NRG3: variants seen among roughly 807,000 people sequenced by gnomAD.
The protein encoded by NRG3 is pro-neuregulin-3, membrane-bound isoform.
Under a neutral mutation model 66.9 loss-of-function variants are expected in NRG3, and 31 were observed. The ratio of observed to expected loss-of-function variants is 0.46; its 90% CI spans 0.35 to 0.63. The LOEUF (loss-of-function observed/expected upper bound fraction) is 0.63, where lower values mean the gene tolerates loss of function less well. Among genes scored for constraint, NRG3 ranks in the 20% least tolerant of loss-of-function variants. The pLI, the probability that NRG3 is intolerant of heterozygous loss-of-function variation, is 0.00. For synonymous variants in NRG3, 393 were observed against 359.4 expected (o/e 1.09, Z -1.06); for missense variants, 910 against 878.9 (o/e 1.04, Z -0.45).
chr10:82,290,109 T>TG, intron 1 of NRG3, among the ~76,000 whole-genome samples: 1 of 152,202 alleles, frequency 6.6e-6, no homozygotes, highest in East Asian at 1.9e-4. Context: ...CAGTGACACC[T>TG]GCATTCCTGC....
intron 2 of NRG3, among the ~76,000 whole-genome samples, chr10:82,677,854 G>A (rs1424921202): frequency 6.6e-6 from 1 of 152,096 alleles, no homozygotes; most frequent in East Asian, 1.9e-4. Context: ...GTTTGTCTTG[G>A]GTTTTGTATG....
chr10:82,009,479 A>G (rs918200142), intron 1 of NRG3, among the ~76,000 whole-genome samples: 1 of 152,164 alleles, frequency 6.6e-6, no homozygotes, highest in Non-Finnish European at 1.5e-5. Context: ...GGACTCTGGA[A>G]AGCACTGAGG....
chr10:81,893,043 A>AT (rs543785868), intron 1 of NRG3, among the ~76,000 whole-genome samples: 4 of 152,122 alleles, frequency 2.6e-5, no homozygotes, highest in Admixed American at 6.6e-5. Flanking sequence ...CTAGTTTATC[A>AT]TTTTTTTCCA....
chr10:81,904,029 G>T (rs891259547), intron 1 of NRG3, among the ~76,000 whole-genome samples: 5 of 149,750 alleles, frequency 3.3e-5, no homozygotes, highest in African/African-American at 1.2e-4. Flanking sequence ...TTGTTTTGGA[G>T]ACGAAGTTTC....
chr10:82,724,064 GA>G (rs1362768679), intron 2 of NRG3, among the ~76,000 whole-genome samples: 6 of 143,536 alleles, frequency 4.2e-5, no homozygotes, highest in South Asian at 2.2e-4. Flanking sequence ...CTTAGCTTCA[GA>G]AAAAAAAAGA....
At position 82,896,222 on chromosome 10, in the gene NRG3, C is replaced by T. The variant is rs12411345; in HGVS notation, c.1054+30785C>T. ...GTTGTTTGACCAGGCATCTTCCTGA[C>T]ATCCTACCAGTTAATGCTCACAACC... On this transcript the variant is annotated intron_variant, in intron 4 of 8. Transcript: ENST00000372141. Among the ~76,000 whole-genome samples, 563 of 152,302 alleles carry T rather than the reference C, an allele frequency of 3.7e-3. 10 individuals are homozygous for T. Among genetic ancestry groups the T allele is most frequent in the Admixed American group, 0.03 (456 of 15,292 alleles).
In NRG3 at chr10:82,978,959, C is replaced by T. The variant is rs749479119; in HGVS notation, c.1422C>T (p.Ser474=). The change falls in exon 8 of 9, where the codon TCC becomes TCT. Residue 474 remains serine (S), a synonymous_variant. Coordinates refer to ENST00000372141, the MANE Select transcript of NRG3 (RefSeq NM_001010848.4). ...SQSVKHHRSL[S]SCCSPGQRSG... is the part of the protein sequence containing the mutation. ...CATTCCACCCCAGCAGGAGTCTATCCTCTTGCTGCAGCCCAGGGCAAAGAA... is the reference window on the plus strand; with the variant it reads ...CATTCCACCCCAGCAGGAGTCTATCTTCTTGCTGCAGCCCAGGGCAAAGAA... 6.2e-7 allele frequency: 1 copy of T among 1,613,744 alleles called. No homozygotes were observed. The highest frequency in any genetic ancestry group is 8.5e-7 in the Non-Finnish European group (1 of 1,179,868).
At chr10:82,319,428 A>C (rs11193683) in intron 1 of NRG3, among the ~76,000 whole-genome samples, 61,779 of 152,198 alleles carry the variant, frequency 0.41, 17,798 homozygotes, top group African/African-American at 0.81. Flanking sequence ...AATTCCGCCG[A>C]AAGGCAAATT....
chr10:82,362,474 G>A (rs1222485389), intron 2 of NRG3, among the ~76,000 whole-genome samples: 2 of 149,120 alleles, frequency 1.3e-5, no homozygotes, highest in Non-Finnish European at 3.0e-5. Context: ...CCTGAGCTCA[G>A]GCCATTCTCC....
chr10:82,813,770 A>G (rs2061592963), intron 3 of NRG3, among the ~76,000 whole-genome samples: 1 of 152,226 alleles, frequency 6.6e-6, no homozygotes, highest in African/African-American at 2.4e-5. Context: ...GGTGGAGACC[A>G]TAAAAATCAT....
chr10:81,936,845 T>C (rs1242483957), intron 1 of NRG3, among the ~76,000 whole-genome samples: 1 of 152,040 alleles, frequency 6.6e-6, no homozygotes, highest in Non-Finnish European at 1.5e-5. Context: ...TTTAAAAAAT[T>C]ATTATAAAAA....
chr10:82,095,249 G>A (rs1452098711), intron 1 of NRG3, among the ~76,000 whole-genome samples: 1 of 151,564 alleles, frequency 6.6e-6, no homozygotes, highest in African/African-American at 2.4e-5. Context: ...TGGACTTCAT[G>A]TTTCTGTACT....
chr10:81,881,731 C>T (rs997210700), intron 1 of NRG3, among the ~76,000 whole-genome samples: 1 of 152,076 alleles, frequency 6.6e-6, no homozygotes, highest in East Asian at 1.9e-4. Flanking sequence ...ATTCAGCCTC[C>T]CATGTCTTGA....
intron 2 of NRG3, among the ~76,000 whole-genome samples, chr10:82,414,670 A>C (rs1433850099): frequency 6.6e-6 from 1 of 152,212 alleles, no homozygotes; most frequent in Non-Finnish European, 1.5e-5. Context: ...TGGAGAAAGG[A>C]ATGAATAAAT....
At chr10:81,969,369 C>A in intron 1 of NRG3, among the ~76,000 whole-genome samples, 1 of 152,156 alleles carries the variant, frequency 6.6e-6, no homozygotes, top group East Asian at 1.9e-4. Context: ...GTCTTGTTCC[C>A]CCTAAAATCA....
chr10:82,288,406 A>G (rs1292462598), intron 1 of NRG3, among the ~76,000 whole-genome samples: 2 of 152,144 alleles, frequency 1.3e-5, no homozygotes, highest in South Asian at 4.1e-4. Context: ...AGAGGTGTGT[A>G]TGGAAAAGAC....
At chr10:81,907,495 T>C (rs1273211847) in intron 1 of NRG3, among the ~76,000 whole-genome samples, 7 of 152,208 alleles carry the variant, frequency 4.6e-5, no homozygotes, top group Non-Finnish European at 1.0e-4. Context: ...AAAATATATG[T>C]GTATTCATTT....
chr10:81,901,673 A>G (rs531664083), intron 1 of NRG3, among the ~76,000 whole-genome samples: 1 of 152,364 alleles, frequency 6.6e-6, no homozygotes, highest in Non-Finnish European at 1.5e-5. Context: ...ATCTCTAAAA[A>G]AGAAAAGTAA....
At chr10:82,085,583 C>T (rs1028936411) in intron 1 of NRG3, among the ~76,000 whole-genome samples, 5 of 151,930 alleles carry the variant, frequency 3.3e-5, no homozygotes, top group African/African-American at 9.7e-5. Context: ...ATTAGGAACC[C>T]CCTTCTTTGA....
Sources: allele counts gnomAD v4.1 joint callset (sites outside exome capture counted in the v4.1 genomes callset), GRCh38; gene constraint gnomAD v4.1.1; transcripts MANE v1.5; gene names NCBI Gene and HGNC (gene_info 2026-07-23, HGNC 2026-07-21).